Variants in ATG5 observed in about 807,000 individuals in gnomAD.
The protein encoded by ATG5 is autophagy related 5.
A neutral mutation model predicts 36.5 loss-of-function variants in ATG5; 14 were observed. That is an observed-to-expected ratio of 0.38 (90% CI 0.25 to 0.60). ATG5 has a LOEUF of 0.60. Ranked by LOEUF, ATG5 falls within the 20% of genes least tolerant of loss-of-function variation. ATG5 has a pLI of 0.60. For synonymous variants in ATG5, 95 were observed against 101.5 expected (o/e 0.94, Z 0.38); for missense variants, 195 against 326.7 (o/e 0.60, Z 3.11).
At chr6:106,294,917 C>A (rs933982909) in intron 3 of ATG5, among the ~76,000 whole-genome samples, 1 of 150,454 alleles carries the variant, frequency 6.6e-6, no homozygotes, top group African/African-American at 2.5e-5. Context: ...TACTTTTAGT[C>A]TTATATGCAT....
chr6:106,265,586 A>C (rs1015836632), intron 5 of ATG5, among the ~76,000 whole-genome samples: 3 of 152,212 alleles, frequency 2.0e-5, no homozygotes, highest in African/African-American at 7.2e-5. Context: ...GTATTCTAAA[A>C]TCGACCACAT....
At chr6:106,295,077 CAT>C (rs777695555) in intron 3 of ATG5, among the ~76,000 whole-genome samples, 70 of 151,842 alleles carry the variant, frequency 4.6e-4, no homozygotes, top group African/African-American at 1.4e-3. Context: ...CACACACACA[CAT>C]ATACACACAT....
At chr6:106,244,231 T>G (rs1178459281) in intron 6 of ATG5, among the ~76,000 whole-genome samples, 1 of 152,200 alleles carries the variant, frequency 6.6e-6, no homozygotes, top group East Asian at 1.9e-4. Flanking sequence ...TCTATGAAGA[T>G]TCTCTAAATT....
chr6:106,215,262 C>A (rs533733426), intron 6 of ATG5, among the ~76,000 whole-genome samples: 2 of 152,296 alleles, frequency 1.3e-5, no homozygotes, highest in Admixed American at 1.3e-4. Flanking sequence ...AAATTCTGTT[C>A]TCTTGATGCC....
At chr6:106,295,657 G>T (rs1322663601) in intron 3 of ATG5, among the ~76,000 whole-genome samples, 5 of 150,940 alleles carry the variant, frequency 3.3e-5, no homozygotes, top group Non-Finnish European at 5.9e-5. Flanking sequence ...TTGACCTCCT[G>T]GGCTCAAGCG....
At chr6:106,297,312 T>C (rs1472748386) in intron 3 of ATG5, among the ~76,000 whole-genome samples, 1 of 152,120 alleles carries the variant, frequency 6.6e-6, no homozygotes, top group Non-Finnish European at 1.5e-5. Context: ...TCTATTTATA[T>C]AAAAAGAAGA....
chr6:106,287,998 G>A (rs1379423638), intron 4 of ATG5, among the ~76,000 whole-genome samples: 3 of 149,148 alleles, frequency 2.0e-5, no homozygotes, highest in Non-Finnish European at 4.4e-5. Context: ...TTTAGATGGA[G>A]TCTACTCTGT....
chr6:106,275,314 T>C (rs1157245130), intron 5 of ATG5, among the ~76,000 whole-genome samples: 8 of 152,354 alleles, frequency 5.3e-5, no homozygotes, highest in Admixed American at 5.2e-4. Context: ...GAAATGAATA[T>C]TCTCATTCTG....
chr6:106,324,975 G>C (rs1771233795), intron 1 of ATG5, among the ~76,000 whole-genome samples: 1 of 152,084 alleles, frequency 6.6e-6, no homozygotes, highest in South Asian at 2.1e-4. Flanking sequence ...TCACCCCTCA[G>C]AAAAATCTAG....
chr6:106,228,506 C>T (rs941627000), intron 6 of ATG5, among the ~76,000 whole-genome samples: 5 of 152,118 alleles, frequency 3.3e-5, no homozygotes, highest in Admixed American at 6.5e-5. Flanking sequence ...ACACTCACCG[C>T]GTGGCCCAAG....
At chr6:106,225,437 G>A (rs1777416551) in intron 6 of ATG5, among the ~76,000 whole-genome samples, 1 of 152,108 alleles carries the variant, frequency 6.6e-6, no homozygotes, top group Admixed American at 6.5e-5. Flanking sequence ...AATATACTGA[G>A]TTGAAATTTT....
chr6:106,266,430 G>C (rs1486700695), intron 5 of ATG5, among the ~76,000 whole-genome samples: 1 of 152,148 alleles, frequency 6.6e-6, no homozygotes. Flanking sequence ...AGAGGAACTG[G>C]TACCACCATT....
chr6:106,200,893 C>A (rs557167953), intron 7 of ATG5, among the ~76,000 whole-genome samples: 1 of 152,228 alleles, frequency 6.6e-6, no homozygotes, highest in South Asian at 2.1e-4. Flanking sequence ...TACACACACA[C>A]ACACACAATG....
chr6:106,186,918 T>C (rs1775793378), intron 7 of ATG5, among the ~76,000 whole-genome samples: 1 of 152,234 alleles, frequency 6.6e-6, no homozygotes, highest in Admixed American at 6.5e-5. Context: ...GTATTACTTC[T>C]TTCTTAATTA....
intron 6 of ATG5, among the ~76,000 whole-genome samples, chr6:106,220,677 C>T (rs1380228629): frequency 1.3e-5 from 2 of 152,024 alleles, no homozygotes; most frequent in Non-Finnish European, 2.9e-5. Flanking sequence ...GGAACCACTA[C>T]CAAGAATCAA....
chr6:106,272,897 GA>G (rs1779506944), intron 5 of ATG5, among the ~76,000 whole-genome samples: 1 of 152,154 alleles, frequency 6.6e-6, no homozygotes, highest in South Asian at 2.1e-4. Context: ...ATGGAAGAAA[GA>G]AAAATTTCCA....
In ATG5 at chr6:106,248,259, ATTAT is replaced by A. The variant is rs776332241; in HGVS notation, c.479-19_479-16del. On this transcript the variant is annotated splice_polypyrimidine_tract_variant and intron_variant, in intron 5 of 7. Coordinates refer to ENST00000369076, the MANE Select transcript of ATG5 (RefSeq NM_004849.4). ...GTCAAATCTGTCTGTAATGATATAA[ATTAT>A]TTGTTATTAAAAATGAACAACATTA... 2.5e-5 allele frequency: 39 copies of A among 1,545,974 alleles called. No individual in the cohort carries two copies. The highest frequency in any genetic ancestry group is 6.8e-5 in the African/African-American group (5 of 73,244).
In ATG5 at chr6:106,225,814, A is replaced by C. The variant is rs2114443803; in HGVS notation, c.573+22336T>G. On this transcript the variant is annotated intron_variant, in intron 6 of 7. Coordinates refer to ENST00000369076, the MANE Select transcript of ATG5 (RefSeq NM_004849.4). Reference sequence around the variant, plus strand: ...TTTTATCACCAGGAGAGTTTGTGGAAAATCAGTGGCAATTGTTAAACATCA... The same window carrying C: ...TTTTATCACCAGGAGAGTTTGTGGACAATCAGTGGCAATTGTTAAACATCA... Among the ~76,000 whole-genome samples, 4 of 152,350 alleles carry C rather than the reference A, an allele frequency of 2.6e-5. No individual in the cohort carries two copies. In the South Asian group the frequency reaches 8.3e-4, roughly 32 times the overall value.
At chr6:106,257,088 A>G (rs1456966135) in intron 5 of ATG5, among the ~76,000 whole-genome samples, 2 of 152,166 alleles carry the variant, frequency 1.3e-5, no homozygotes, top group Non-Finnish European at 2.9e-5. Flanking sequence ...AAATACACAC[A>G]TTAGCCTAGG....
Sources: allele counts gnomAD v4.1 joint callset (sites outside exome capture counted in the v4.1 genomes callset), GRCh38; gene constraint gnomAD v4.1.1; transcripts MANE v1.5; gene names NCBI Gene and HGNC (gene_info 2026-07-23, HGNC 2026-07-21).